Variants in RARB observed in about 807,000 individuals in gnomAD.
The protein encoded by RARB is HBV-activated protein.
A neutral mutation model predicts 51.9 loss-of-function variants in RARB; 17 were observed. The observed-to-expected ratio is 0.33, with a 90% CI of 0.22 to 0.49. RARB has a LOEUF of 0.49. Ranked by LOEUF, RARB falls within the 20% of genes least tolerant of loss-of-function variation. RARB has a pLI of 0.99. For synonymous variants in RARB, 215 were observed against 195.4 expected, an observed-to-expected ratio of 1.10 and a Z score of -0.84; for missense variants, 369 against 550.8, an observed-to-expected ratio of 0.67 and a Z score of 3.30.
intron 5 of RARB, among the ~76,000 whole-genome samples, chr3:25,196,986 G>A (rs1051002707): frequency 1.3e-5 from 2 of 152,144 alleles, no homozygotes; most frequent in African/African-American, 4.8e-5. Context: ...CAGATGGATA[G>A]ATTGCAAAAA....
chr3:25,218,621 C>G (rs1450836062), intron 5 of RARB, among the ~76,000 whole-genome samples: 1 of 152,184 alleles, frequency 6.6e-6, no homozygotes, highest in Non-Finnish European at 1.5e-5. Context: ...AAACAAAAAA[C>G]TTCTTCAACT....
chr3:25,569,376 T>A (rs1700623313), intron 3 of RARB, among the ~76,000 whole-genome samples: 1 of 152,250 alleles, frequency 6.6e-6, no homozygotes, highest in Non-Finnish European at 1.5e-5. Context: ...TTCAGAGACC[T>A]GACCCTTCCC....
At chr3:25,447,916 GCATTGAGATTCATCAGCATAAGCATGAT>G (rs1263183766) in intron 1 of RARB, among the ~76,000 whole-genome samples, 2 of 152,094 alleles carry the variant, frequency 1.3e-5, no homozygotes, top group Non-Finnish European at 2.9e-5. Context: ...AAGGTGAATA[GCATTGAGATTCATCAGCATAAGCATGAT>G]ACAATAATGA....
chr3:25,485,584 C>G (rs1464580850), intron 2 of RARB, among the ~76,000 whole-genome samples: 1 of 152,246 alleles, frequency 6.6e-6, no homozygotes, highest in African/African-American at 2.4e-5. Flanking sequence ...TTTCTGTGAA[C>G]TCCGGTTCTT....
At chr3:24,997,371 T>C (rs2125273054) in intron 2 of RARB, among the ~76,000 whole-genome samples, 1 of 152,174 alleles carries the variant, frequency 6.6e-6, no homozygotes, top group Non-Finnish European at 1.5e-5. Context: ...GTTGGCGGCC[T>C]CAAGTTGGGT....
intron 2 of RARB, among the ~76,000 whole-genome samples, chr3:24,965,108 A>G (rs1696227021): frequency 6.6e-6 from 1 of 152,226 alleles, no homozygotes; most frequent in Admixed American, 6.5e-5. Flanking sequence ...TAGAAATTTT[A>G]GAGTCATGTT....
intron 2 of RARB, among the ~76,000 whole-genome samples, chr3:24,899,139 C>G (rs1703542735): frequency 6.6e-6 from 1 of 152,112 alleles, no homozygotes; most frequent in Non-Finnish European, 1.5e-5. Context: ...GCCTGGTGCA[C>G]AATGAAAATG....
At chr3:25,520,643 A>T (rs1163818051) in intron 3 of RARB, among the ~76,000 whole-genome samples, 6 of 152,214 alleles carry the variant, frequency 3.9e-5, no homozygotes, top group Non-Finnish European at 8.8e-5. Context: ...GTTCCAGAAG[A>T]GGAGAGAGAA....
chr3:25,142,551 C>T (rs1383671833), intron 4 of RARB, among the ~76,000 whole-genome samples: 1 of 151,742 alleles, frequency 6.6e-6, no homozygotes, highest in African/African-American at 2.4e-5. Context: ...CCCTCTCCCA[C>T]TAGCATTCTC....
intron 3 of RARB, among the ~76,000 whole-genome samples, chr3:25,110,565 G>T (rs1053651941): frequency 6.6e-6 from 1 of 152,186 alleles, no homozygotes; most frequent in Admixed American, 6.5e-5. Context: ...GAAACGAAGT[G>T]CCAGTTCACC....
intron 2 of RARB, among the ~76,000 whole-genome samples, chr3:24,891,812 T>A (rs182319643): frequency 6.6e-6 from 1 of 152,208 alleles, no homozygotes; most frequent in African/African-American, 2.4e-5. Context: ...GTATGAAGCT[T>A]CTACCTTGTT....
intron 3 of RARB, among the ~76,000 whole-genome samples, chr3:25,551,700 C>T (rs1379867777): frequency 1.3e-5 from 2 of 152,258 alleles, no homozygotes; most frequent in East Asian, 3.9e-4. Flanking sequence ...AGGGCTTGGG[C>T]ATGGATCTCA....
chr3:25,464,951 A>G (rs1038161586), intron 2 of RARB, among the ~76,000 whole-genome samples: 3 of 152,156 alleles, frequency 2.0e-5, no homozygotes, highest in African/African-American at 7.2e-5. Context: ...GTTATGTCAT[A>G]ATTTATTTAA....
intron 5 of RARB, among the ~76,000 whole-genome samples, chr3:25,320,451 C>G (rs1704540656): frequency 6.6e-6 from 1 of 152,128 alleles, no homozygotes; most frequent in Non-Finnish European, 1.5e-5. Flanking sequence ...TTTCCAGGGC[C>G]AGGACATACA....
chr3:25,107,990 A>G (rs1699538008), intron 3 of RARB, among the ~76,000 whole-genome samples: 1 of 152,214 alleles, frequency 6.6e-6, no homozygotes, highest in Non-Finnish European at 1.5e-5. Context: ...TGGGGACAAT[A>G]TTAAGTAAAA....
chr3:25,125,190 T>G (rs1398974571), intron 3 of RARB, among the ~76,000 whole-genome samples: 1 of 152,120 alleles, frequency 6.6e-6, no homozygotes, highest in Non-Finnish European at 1.5e-5. Flanking sequence ...AACAAATGAA[T>G]AAGAGATTCA....
intron 3 of RARB, among the ~76,000 whole-genome samples, chr3:25,095,721 G>T (rs1041928321): frequency 6.6e-6 from 1 of 152,126 alleles, no homozygotes; most frequent in Non-Finnish European, 1.5e-5. Context: ...GGTGGCCAGA[G>T]TATTACACCA....
chr3:24,983,214 T>G (rs1167884666), intron 2 of RARB, among the ~76,000 whole-genome samples: 1 of 152,134 alleles, frequency 6.6e-6, no homozygotes, highest in Non-Finnish European at 1.5e-5. Flanking sequence ...GCCAACCTCA[T>G]TATATCTTTT....
At chr3:24,914,624 A>G (rs531611906) in intron 2 of RARB, among the ~76,000 whole-genome samples, 2 of 152,336 alleles carry the variant, frequency 1.3e-5, no homozygotes, top group East Asian at 3.9e-4. Context: ...ATCGTCCTGT[A>G]TACTTTAAAT....
Sources: allele counts gnomAD v4.1 joint callset (sites outside exome capture counted in the v4.1 genomes callset), GRCh38; gene constraint gnomAD v4.1.1; transcripts MANE v1.5; gene names NCBI Gene and HGNC (gene_info 2026-07-23, HGNC 2026-07-21).